Variants in BAHCC1 observed in about 807,000 individuals in gnomAD.
BAHCC1 encodes the protein BAH domain and coiled-coil containing 1, also known as BAH and coiled-coil domain-containing protein 1.
In BAHCC1, 43 loss-of-function variants were observed where a neutral mutation model predicts 88.2. That is an observed-to-expected ratio of 0.49 (90% CI 0.38 to 0.63). The LOEUF (loss-of-function observed/expected upper bound fraction) is 0.63. Among genes scored for constraint, BAHCC1 ranks in the 20% least tolerant of loss-of-function variants. BAHCC1 has a pLI of 0.00. For missense variants in BAHCC1, 3,023 were observed against 1,654.8 expected (o/e 1.83, Z -14.34); for synonymous variants, 1,510 against 745.5 (o/e 2.03, Z -16.71).
rs2064751853 is a variant in BAHCC1 at position 81,456,461 on chromosome 17, G to C, written c.4734G>C (p.Lys1578Asn). The change falls in exon 16 of 28, where the codon AAG (lysine) becomes AAC (asparagine). Residue 1578 changes from lysine (K) to asparagine (N), a missense_variant. Transcript: ENST00000675386. ...EATPGGRIRE[K>N]LSRAKSAKVS... ...CCCCCGGGGGGCGCATCCGGGAGAA[G>C]CTGTCCCGAGCCAAGAGTGCCAAGG... The C allele has an allele frequency of 2.8e-6, 2 of 721,678 alleles. No individual in the cohort carries two copies. The highest frequency in any genetic ancestry group is 5.3e-5 in the East Asian group (2 of 37,616). The allele number at this position is 721,678 out of a possible 1,614,324, so 44.7% of individuals were successfully genotyped here.
intron 2 of BAHCC1, among the ~76,000 whole-genome samples, chr17:81,403,489 A>G (rs1194234478): frequency 6.6e-6 from 1 of 152,034 alleles, no homozygotes; most frequent in Non-Finnish European, 1.5e-5. Flanking sequence ...CTCAAAAAAA[A>G]AAAAAGAAAA....
At chr17:81,418,796 C>CGTGTGTGTGTGTGCGTGCAT (rs539655672) in intron 2 of BAHCC1, among the ~76,000 whole-genome samples, 41 of 144,914 alleles carry the variant, frequency 2.8e-4, no homozygotes, top group East Asian at 6.1e-4. Flanking sequence ...TACGTGTGTG[C>CGTGTGTGTGTGTGCGTGCAT]GTGTGTGTGT....
At chr17:81,444,335 G>T (rs930442543) in intron 6 of BAHCC1, 46 bp from the exon 7 acceptor site, 1 of 708,328 alleles carries the variant, frequency 1.4e-6, no homozygotes. Flanking sequence ...GGGATGGGGA[G>T]CTGGGCCTTG....
intron 2 of BAHCC1, among the ~76,000 whole-genome samples, chr17:81,417,560 C>CCCCCCCG (rs2064050057): frequency 1.5e-5 from 2 of 136,574 alleles, no homozygotes; most frequent in Non-Finnish European, 3.2e-5. Flanking sequence ...CGGCCACCCC[C>CCCCCCCG]CCCCCGCCCT....
intron 17 of BAHCC1, 132 bp from the exon 18 acceptor site, chr17:81,458,033 C>T: frequency 3.5e-6 from 2 of 566,976 alleles, no homozygotes; most frequent in South Asian, 1.9e-5. Flanking sequence ...AGGGGGAGGG[C>T]AGAGGTTGCT....
At chr17:81,406,217 C>A (rs1555646846) in intron 2 of BAHCC1, among the ~76,000 whole-genome samples, 3 of 152,190 alleles carry the variant, frequency 2.0e-5, no homozygotes, top group African/African-American at 7.2e-5. Flanking sequence ...AGGGGAGGGT[C>A]CGAAACCCTT....
intron 3 of BAHCC1, among the ~76,000 whole-genome samples, chr17:81,427,249 A>AG (rs1404871222): frequency 6.6e-6 from 1 of 152,018 alleles, no homozygotes; most frequent in Non-Finnish European, 1.5e-5. Flanking sequence ...GGGGGCCAGG[A>AG]GGGGCTCTGG....
intron 6 of BAHCC1, 163 bp from the exon 7 acceptor site, chr17:81,444,218 G>C (rs572273605): frequency 6.5e-6 from 4 of 611,392 alleles, no homozygotes; most frequent in Non-Finnish European, 1.2e-5. Context: ...TCCAGGTCCC[G>C]TTCTCCCTCC....
chr17:81,421,320 G>A (rs1555649562), intron 2 of BAHCC1, among the ~76,000 whole-genome samples: 1 of 152,266 alleles, frequency 6.6e-6, no homozygotes, highest in Non-Finnish European at 1.5e-5. Flanking sequence ...GGCTCTGTCT[G>A]GGGTTGGCCA....
chr17:81,440,140 A>G (rs2064391062), intron 4 of BAHCC1, among the ~76,000 whole-genome samples: 1 of 152,150 alleles, frequency 6.6e-6, no homozygotes, highest in African/African-American at 2.4e-5. Flanking sequence ...GCTCCTGTGG[A>G]CGGGCTCTGC....
In BAHCC1 at chr17:81,457,511, C is replaced by T. The variant is rs34224936; in HGVS notation, c.4960C>T (p.Leu1654=). ...GCACACCGGGGCCAGTGTGGCCGTG[C>T]TGGGGCCCTCACCCTCCTCTGTGGT... The part of the protein sequence containing the change: ...LLHTGASVAV[L]GPSPSSVVKM... The change falls in exon 17 of 28, where the codon CTG becomes TTG. Residue 1654 remains leucine, a synonymous_variant. Coordinates refer to ENST00000675386, the MANE Select transcript of BAHCC1 (RefSeq NM_001377448.1). 0.36 allele frequency: 272,630 copies of T among 755,116 alleles called. 51,245 individuals are homozygous for T. Among genetic ancestry groups the T allele is most frequent in the Non-Finnish European group, 0.39 (156,567 of 405,994 alleles). The allele number at this position is 755,116 out of a possible 1,614,324, so 46.8% of individuals were successfully genotyped here.
rs1374716039 is a variant in BAHCC1, at chr17:81,460,644, C to T, written c.6140C>T (p.Ala2047Val). The T allele has an allele frequency of 6.5e-6, 5 of 772,012 alleles. No individual in the cohort carries two copies. Among genetic ancestry groups the T allele is most frequent in the Non-Finnish European group, 1.2e-5 (5 of 414,388 alleles). 47.8% of individuals were successfully genotyped at this position (772,012 alleles called of 1,614,324 possible). The change falls in exon 25 of 28, where the codon GCA becomes GTA. Residue 2047 changes from alanine (A) to valine (V), a missense_variant. Transcript: ENST00000675386. ...EAATPSLSPKAQDGPEALKTP... is the reference protein window; with the variant it reads ...EAATPSLSPKVQDGPEALKTP... Reference sequence around the variant, plus strand: ...GCCACCCCCAGCCTGTCCCCCAAAGCACAGGACGGCCCCGAAGCTTTGAAG... The same window carrying T: ...GCCACCCCCAGCCTGTCCCCCAAAGTACAGGACGGCCCCGAAGCTTTGAAG...
chr17:81,422,328 C>T (rs2064125736), intron 2 of BAHCC1, among the ~76,000 whole-genome samples: 1 of 152,296 alleles, frequency 6.6e-6, no homozygotes, highest in South Asian at 2.1e-4. Context: ...TGCTTTATTA[C>T]CTGAGCTTAT....
intron 16 of BAHCC1, among the ~76,000 whole-genome samples, chr17:81,457,158 T>C (rs1240050735): frequency 2.6e-5 from 4 of 152,126 alleles, no homozygotes; most frequent in Non-Finnish European, 4.4e-5. Flanking sequence ...CAGCCCTGCC[T>C]GGTGGGTGCC....
intron 2 of BAHCC1, among the ~76,000 whole-genome samples, chr17:81,408,884 C>T (rs1337632779): frequency 1.3e-5 from 2 of 152,204 alleles, no homozygotes; most frequent in Admixed American, 1.3e-4. Flanking sequence ...CCCTTCCTAT[C>T]CCCAGAGCTG....
At chr17:81,396,738 C>G (rs2063750130) in intron 1 of BAHCC1, 2 of 152,264 alleles carry the variant, frequency 1.3e-5, no homozygotes, top group African/African-American at 4.8e-5. Flanking sequence ...ACGCCTGGGG[C>G]CGCGGCAAGA....
chr17:81,451,856 C>T lies in BAHCC1; in HGVS notation c.4165C>T (p.Pro1389Ser), dbSNP rs202119784. The T allele has an allele frequency of 7.9e-4, 585 of 743,352 alleles. 2 individuals are homozygous for T. The highest frequency in any genetic ancestry group is 1.2e-3 in the Admixed American group (66 of 55,922). 46.0% of individuals were successfully genotyped at this position (743,352 alleles called of 1,614,324 possible). A position where few individuals can be genotyped will look rare whatever the true frequency, so the allele number is the denominator to read the frequency against. ...CCTGCAGCGCAAGGACACCTGGACC[C>T]CCAAGACCAAGCCTGTGAGTGGAGG... ...QILQRKDTWT[P>S]KTKPVCPLKA... Residue 1389 changes from proline to serine, a missense_variant, in exon 12 of 28, where the codon CCC becomes TCC. Pro to Ser is a moderately conservative substitution (Grantham distance 74, BLOSUM62 -1). Coordinates refer to ENST00000675386, the MANE Select transcript of BAHCC1 (RefSeq NM_001377448.1).
intron 2 of BAHCC1, chr17:81,402,655 A>T (rs1403161686): frequency 1.3e-5 from 2 of 152,128 alleles, no homozygotes; most frequent in African/African-American, 4.8e-5. Context: ...ACCATCGGGG[A>T]TGGAGGCCCT....
In BAHCC1 at chr17:81,464,171, C is replaced by T. The variant is rs1366298847; in HGVS notation, c.*354C>T. ...TCCGACTGTCTCCCACCAGGGAAAG[C>T]AGAAATCAGGTGTGTTGTCTATTTA... On this transcript the variant is annotated 3_prime_UTR_variant, in exon 28 of 28. Coordinates refer to ENST00000675386, the MANE Select transcript of BAHCC1 (RefSeq NM_001377448.1). The T allele has an allele frequency of 2.2e-5, 8 of 371,512 alleles. No homozygotes were observed. The highest frequency in any genetic ancestry group is 2.0e-4 in the East Asian group (4 of 19,718). 23.0% of individuals were successfully genotyped at this position (371,512 alleles called of 1,614,324 possible).
Sources: gnomAD v4.1 joint callset for allele counts (sites outside exome capture counted in the v4.1 genomes callset) on GRCh38, gnomAD v4.1.1 for gene constraint, MANE v1.5 for transcripts, NCBI Gene and HGNC (gene_info 2026-07-23, HGNC 2026-07-21) for gene names.